GRIK4: variants seen among roughly 807,000 people sequenced by gnomAD.
The protein encoded by GRIK4 is glutamate ionotropic receptor kainate type subunit 4.
A neutral mutation model predicts 104.9 loss-of-function variants in GRIK4; 40 were observed. The ratio of observed to expected loss-of-function variants is 0.38; its 90% CI spans 0.30 to 0.50. The LOEUF (loss-of-function observed/expected upper bound fraction) is 0.50, where lower values mean the gene tolerates loss of function less well. Ranked by LOEUF, GRIK4 falls within the 20% of genes least tolerant of loss-of-function variation. The pLI is 0.93. For missense variants in GRIK4, 1,047 were observed against 1,308.1 expected, an observed-to-expected ratio of 0.80 and a Z score of 3.08; for synonymous variants, 485 against 524.9, an observed-to-expected ratio of 0.92 and a Z score of 1.04.
Position 120,524,203 on chromosome 11 carries a change from G to T in GRIK4, c.-159+12316G>T, listed in dbSNP as rs1430059963. Reference sequence around the variant, plus strand: ...ACCTCCCAAAGTGCTGGGATTAGCGGCGTGAGCCACCGCGTCTGGCCGTTT... The same window carrying T: ...ACCTCCCAAAGTGCTGGGATTAGCGTCGTGAGCCACCGCGTCTGGCCGTTT... On this transcript the variant is annotated intron_variant, in intron 1 of 20. Coordinates refer to ENST00000527524, the MANE Select transcript of GRIK4 (RefSeq NM_014619.5). The surrounding 1 kb of genome is among the most constrained non-coding windows in gnomAD (Gnocchi z 4.5). Among the ~76,000 whole-genome samples, 3 of 152,186 alleles carry T rather than the reference G, an allele frequency of 2.0e-5. No individual in the cohort carries two copies. The highest frequency in any genetic ancestry group is 4.4e-5 in the Non-Finnish European group (3 of 68,034).
intron 18 of GRIK4, among the ~76,000 whole-genome samples, chr11:120,965,970 G>A (rs1944376848): frequency 6.6e-6 from 1 of 152,186 alleles, no homozygotes; most frequent in Non-Finnish European, 1.5e-5. Flanking sequence ...AAACTGGGCA[G>A]CTTAGTTGTT....
Position 120,839,734 on chromosome 11 carries a change from T to C in GRIK4, c.744+2890T>C, listed in dbSNP as rs151153729. Among the ~76,000 whole-genome samples, 458 of 152,292 alleles carry C rather than the reference T, an allele frequency of 3.0e-3. 3 individuals carry two copies. The highest frequency in any genetic ancestry group is 0.011 in the African/African-American group (443 of 41,556). ...TTTATTTGTGTCGGTAATTACTGAG[T>C]AATTGATCAAATGCCCATACCTCAC... is the stretch of plus-strand genomic sequence containing the variant. On this transcript the variant is annotated intron_variant, in intron 8 of 20. Transcript: ENST00000527524.
At chr11:120,864,208 TA>T (rs1321261552) in intron 9 of GRIK4, among the ~76,000 whole-genome samples, 267 of 11,332 alleles carry the variant, frequency 0.024, 1 homozygote, top group South Asian at 0.079. Context: ...TTTTTATTTT[TA>T]TTTATTTATT....
At position 120,903,527 on chromosome 11, in the gene GRIK4, C is replaced by T. The variant is rs532937976; in HGVS notation, c.1273-1763C>T. 4.6e-5 allele frequency among the ~76,000 whole-genome samples: 7 copies of T among 152,226 alleles called. No individual in the cohort carries two copies. The South Asian group carries it at 1.5e-3, about 32-fold the overall frequency. On this transcript the variant is annotated intron_variant, in intron 12 of 20. Coordinates refer to ENST00000527524, the MANE Select transcript of GRIK4 (RefSeq NM_014619.5). This position sits in a 1 kb window ranked among gnomAD's most constrained non-coding sequence, Gnocchi z 4.4. Reference sequence around the variant, plus strand: ...CATGGTTCTTTCCTCCTCTTTTCTCCCCTTTTCCAGGGATTTTCCCTTCCT... The same window carrying T: ...CATGGTTCTTTCCTCCTCTTTTCTCTCCTTTTCCAGGGATTTTCCCTTCCT...
At chr11:120,654,082 A>C (rs1286526343) in intron 2 of GRIK4, among the ~76,000 whole-genome samples, 1 of 152,182 alleles carries the variant, frequency 6.6e-6, no homozygotes, top group Non-Finnish European at 1.5e-5. Context: ...ACTGTCAGAG[A>C]CCCTCTGAGG....
intron 9 of GRIK4, chr11:120,867,977 T>C (rs1263769736): frequency 6.6e-6 from 1 of 152,224 alleles, no homozygotes; most frequent in Non-Finnish European, 1.5e-5. Flanking sequence ...ATCCAGATTG[T>C]AAGAACTATT....
chr11:120,710,334 C>T (rs559674829), intron 3 of GRIK4, among the ~76,000 whole-genome samples: 15 of 152,232 alleles, frequency 9.9e-5, no homozygotes, highest in South Asian at 2.1e-4. Flanking sequence ...GCCGAGTCAC[C>T]GGGAGGTTAG....
At chr11:120,614,822 AC>A (rs1949086628) in intron 1 of GRIK4, among the ~76,000 whole-genome samples, 2 of 151,930 alleles carry the variant, frequency 1.3e-5, no homozygotes, top group Admixed American at 6.6e-5. Context: ...ACATGGTGAA[AC>A]CCCGTCTCTA....
rs1942836772 is a variant in GRIK4 at position 120,905,109 on chromosome 11, C to CT, written c.1273-178dup. On this transcript the variant is annotated intron_variant, in intron 12 of 20. Coordinates refer to ENST00000527524, the MANE Select transcript of GRIK4 (RefSeq NM_014619.5). The surrounding 1 kb of genome is among the most constrained non-coding windows in gnomAD (Gnocchi z 5.1). ...ACAACAGAAGCACCTTGAAGGACAG[C>CT]TTTAAGGAGCACATCAGGGAGAGGA... Among the ~76,000 whole-genome samples, 1 of 152,140 alleles carries CT rather than the reference C, an allele frequency of 6.6e-6. No homozygotes were observed. Among genetic ancestry groups the CT allele is most frequent in the South Asian group, 2.1e-4 (1 of 4,822 alleles).
At chr11:120,934,864 G>A (rs539094275) in intron 13 of GRIK4, among the ~76,000 whole-genome samples, 6 of 152,122 alleles carry the variant, frequency 3.9e-5, no homozygotes, top group South Asian at 2.1e-4. Flanking sequence ...TTCTTTCTCC[G>A]GAGACCTACC....
intron 1 of GRIK4, among the ~76,000 whole-genome samples, chr11:120,598,635 G>A (rs568479730): frequency 1.3e-5 from 2 of 152,338 alleles, no homozygotes; most frequent in East Asian, 3.9e-4. Flanking sequence ...GTCTGGGGCT[G>A]CAGGAACTGG....
chr11:120,783,896 G>C (rs549408859), intron 3 of GRIK4, among the ~76,000 whole-genome samples: 2 of 152,292 alleles, frequency 1.3e-5, no homozygotes, highest in South Asian at 2.1e-4. Context: ...GACCTGAGAG[G>C]TGTTTGTTTT....
At chr11:120,762,754 A>G (rs1395820248) in intron 3 of GRIK4, among the ~76,000 whole-genome samples, 5 of 152,164 alleles carry the variant, frequency 3.3e-5, no homozygotes, top group Admixed American at 3.3e-4. Flanking sequence ...TGATTTGCAT[A>G]TATTGAACCA....
At chr11:120,643,342 C>A (rs553278450) in intron 1 of GRIK4, among the ~76,000 whole-genome samples, 1 of 152,168 alleles carries the variant, frequency 6.6e-6, no homozygotes, top group African/African-American at 2.4e-5. Context: ...TTTGGAGGAA[C>A]GTGTTCTAGG....
At chr11:120,673,421 G>A (rs1278059176) in intron 3 of GRIK4, among the ~76,000 whole-genome samples, 1 of 152,180 alleles carries the variant, frequency 6.6e-6, no homozygotes, top group African/African-American at 2.4e-5. Context: ...TGATGCTGCT[G>A]GCTCCCTGTC....
intron 1 of GRIK4, among the ~76,000 whole-genome samples, chr11:120,557,967 G>A (rs539870200): frequency 2.5e-4 from 36 of 144,852 alleles, no homozygotes; most frequent in East Asian, 2.2e-4. Context: ...GCAGTGAGCC[G>A]AGATTGGGCC....
At chr11:120,981,065 T>C (rs1944643767) in intron 19 of GRIK4, among the ~76,000 whole-genome samples, 2 of 152,154 alleles carry the variant, frequency 1.3e-5, no homozygotes. Flanking sequence ...TGACTGAACA[T>C]TCAGATGTGC....
intron 8 of GRIK4, among the ~76,000 whole-genome samples, chr11:120,851,756 C>T (rs2135600207): frequency 6.6e-6 from 1 of 152,128 alleles, no homozygotes; most frequent in Non-Finnish European, 1.5e-5. Flanking sequence ...CTCTGGAACA[C>T]AGCAGAGTCA....
rs184288900 is a variant in GRIK4 at position 120,652,019 on chromosome 11, G to C, written c.-158-1666G>C. ...AACAAGTTCCCGGAGCCAACGCCCAGTTCCTCCATTTCCCCGCTGAGTGAC... is the reference window on the plus strand; with the variant it reads ...AACAAGTTCCCGGAGCCAACGCCCACTTCCTCCATTTCCCCGCTGAGTGAC... On this transcript the variant is annotated intron_variant, in intron 1 of 20. Coordinates refer to ENST00000527524, the MANE Select transcript of GRIK4 (RefSeq NM_014619.5). Among the ~76,000 whole-genome samples, 19 of 152,270 alleles carry C rather than the reference G, an allele frequency of 1.2e-4. No homozygotes were observed. In the East Asian group the frequency reaches 3.5e-3, roughly 28 times the overall value.
Sources: gnomAD v4.1 joint callset for allele counts (sites outside exome capture counted in the v4.1 genomes callset) on GRCh38, gnomAD v4.1.1 for gene constraint, Gnocchi (gnomAD v3.1) non-coding constraint, MANE v1.5 for transcripts, NCBI Gene and HGNC (gene_info 2026-07-23, HGNC 2026-07-21) for gene names.